Variants in NRXN3 observed in about 807,000 individuals in gnomAD.
NRXN3 encodes the protein neurexin 3, also known as neurexin III.
Under a neutral mutation model 137.6 loss-of-function variants are expected in NRXN3, and 32 were observed. The ratio of observed to expected loss-of-function variants is 0.23; its 90% CI spans 0.18 to 0.31. The LOEUF (loss-of-function observed/expected upper bound fraction) is 0.31. NRXN3 is among the 10% of genes least tolerant of loss of function. The pLI, the probability that NRXN3 is intolerant of heterozygous loss-of-function variation, is 1.00. For synonymous variants in NRXN3, 798 were observed against 784.5 expected (o/e 1.02, Z -0.29); for missense variants, 1,574 against 2,062.5 (o/e 0.76, Z 4.59).
At chr14:79,133,143 A>C (rs1596331640) in intron 15 of NRXN3, among the ~76,000 whole-genome samples, 1 of 152,330 alleles carries the variant, frequency 6.6e-6, no homozygotes, top group South Asian at 2.1e-4. Context: ...CTACTATACT[A>C]ACATTTTTTG....
chr14:79,836,977 C>T (rs895239666), intron 20 of NRXN3, among the ~76,000 whole-genome samples: 2 of 152,136 alleles, frequency 1.3e-5, no homozygotes, highest in African/African-American at 2.4e-5. Flanking sequence ...TTTCTCAGCT[C>T]AATATTCCAT....
At chr14:79,395,527 G>A (rs2153479963) in intron 15 of NRXN3, among the ~76,000 whole-genome samples, 1 of 151,114 alleles carries the variant, frequency 6.6e-6, no homozygotes, top group East Asian at 2.0e-4. Flanking sequence ...CAGGCTGTGA[G>A]GCCGGGCGTG....
At chr14:79,373,351 C>T (rs1260115862) in intron 15 of NRXN3, among the ~76,000 whole-genome samples, 3 of 151,998 alleles carry the variant, frequency 2.0e-5, no homozygotes. Context: ...AAAAGCAATC[C>T]CAGAATATTT....
rs188280476 is a variant in NRXN3, at chr14:78,585,262, G to A, written c.758-59858G>A. On this transcript the variant is annotated intron_variant, in intron 4 of 20. Transcript: ENST00000335750. The stretch of plus-strand genomic sequence containing the variant: ...AAGGCTATCAGGGCAGATGGTCACA[G>A]GCAGCCAGTGCAAAGGACCTGAGGT... Among the ~76,000 whole-genome samples the A allele has an allele frequency of 9.2e-5, 14 of 152,202 alleles. 1 individual carries two copies. The highest frequency in any genetic ancestry group is 1.6e-4 in the Non-Finnish European group (11 of 68,012).
At chr14:79,812,257 T>G (rs935659551) in intron 20 of NRXN3, among the ~76,000 whole-genome samples, 3 of 152,196 alleles carry the variant, frequency 2.0e-5, no homozygotes, top group Admixed American at 6.5e-5. Flanking sequence ...GATAAATCTC[T>G]TCTATATGTA....
intron 6 of NRXN3, among the ~76,000 whole-genome samples, chr14:78,656,862 T>C (rs1009618990): frequency 6.6e-6 from 1 of 151,608 alleles, no homozygotes; most frequent in Non-Finnish European, 1.5e-5. Context: ...GCTGACACGG[T>C]GAAACCCCAT....
Position 79,330,866 on chromosome 14 carries a change from A to G in NRXN3, c.3263-136355A>G, listed in dbSNP as rs538867974. On this transcript the variant is annotated intron_variant, in intron 15 of 20. Transcript: ENST00000335750. ...TCTAGTCACAATGTTAGAATGAAAT[A>G]AATGTGTGAAATAAATCATGTTTAT... Among the ~76,000 whole-genome samples the G allele has an allele frequency of 3.3e-5, 5 of 152,356 alleles. No individual in the cohort carries two copies. The East Asian group carries it at 5.8e-4, about 18-fold the overall frequency.
chr14:79,731,823 A>AT (rs1160115956), intron 19 of NRXN3, among the ~76,000 whole-genome samples: 28 of 144,892 alleles, frequency 1.9e-4, no homozygotes, highest in South Asian at 8.8e-4. Flanking sequence ...TTTATTTTTT[A>AT]TTTTTTTTTT....
chr14:78,865,406 C>T (rs1272041167), intron 10 of NRXN3, among the ~76,000 whole-genome samples: 1 of 152,112 alleles, frequency 6.6e-6, no homozygotes, highest in African/African-American at 2.4e-5. Context: ...TTGAAAGTCA[C>T]AGAATTTTGA....
At chr14:79,466,340 C>T (rs1445950407) in intron 15 of NRXN3, among the ~76,000 whole-genome samples, 1 of 152,202 alleles carries the variant, frequency 6.6e-6, no homozygotes, top group Non-Finnish European at 1.5e-5. Flanking sequence ...GTAATCTCAG[C>T]ACTTTGGGTG....
intron 16 of NRXN3, among the ~76,000 whole-genome samples, chr14:79,520,237 C>A (rs936975375): frequency 7.2e-5 from 11 of 152,036 alleles, no homozygotes; most frequent in African/African-American, 2.7e-4. Context: ...TTCCGGCATG[C>A]CTTGGTTGAA....
chr14:78,894,787 G>C (rs530087052), intron 10 of NRXN3, among the ~76,000 whole-genome samples: 1 of 151,512 alleles, frequency 6.6e-6, no homozygotes, highest in South Asian at 2.1e-4. Flanking sequence ...GAGAATGGAT[G>C]TTACGTTAGC....
intron 15 of NRXN3, among the ~76,000 whole-genome samples, chr14:79,091,677 A>G (rs2049221650): frequency 1.3e-5 from 2 of 152,284 alleles, no homozygotes; most frequent in South Asian, 4.1e-4. Flanking sequence ...CAGGATAATT[A>G]TAGCCAGGAG....
At chr14:78,314,512 G>A (rs2078328077) in intron 4 of NRXN3, among the ~76,000 whole-genome samples, 1 of 152,164 alleles carries the variant, frequency 6.6e-6, no homozygotes, top group African/African-American at 2.4e-5. Context: ...TGGCAGAGGA[G>A]GAGAGAGCGA....
chr14:78,757,813 G>T (rs1029166718), intron 8 of NRXN3, among the ~76,000 whole-genome samples: 2 of 152,178 alleles, frequency 1.3e-5, no homozygotes, highest in African/African-American at 2.4e-5. Context: ...TGTGTAAGAG[G>T]TTAATATTTG....
intron 8 of NRXN3, among the ~76,000 whole-genome samples, chr14:78,725,572 C>G (rs1010715685): frequency 2.0e-5 from 3 of 152,212 alleles, no homozygotes; most frequent in Admixed American, 2.0e-4. Flanking sequence ...GAGCCTCCTT[C>G]TGTGGAAATC....
intron 16 of NRXN3, among the ~76,000 whole-genome samples, chr14:79,652,864 C>G (rs2098483726): frequency 6.6e-6 from 1 of 152,030 alleles, no homozygotes; most frequent in Non-Finnish European, 1.5e-5. Flanking sequence ...TTAAATTTCA[C>G]TTTTTAAAAA....
chr14:78,391,989 G>A (rs2090843671), intron 4 of NRXN3, among the ~76,000 whole-genome samples: 5 of 151,824 alleles, frequency 3.3e-5, no homozygotes, highest in Admixed American at 3.3e-4. Context: ...GACAAGTCCT[G>A]TGCTAAAGGA....
chr14:79,191,595 G>T (rs1293292212), intron 15 of NRXN3, among the ~76,000 whole-genome samples: 1 of 152,124 alleles, frequency 6.6e-6, no homozygotes, highest in Non-Finnish European at 1.5e-5. Flanking sequence ...TAGCATAGAT[G>T]GGTAAATATA....
Sources: gnomAD v4.1 joint callset for allele counts (sites outside exome capture counted in the v4.1 genomes callset) on GRCh38, gnomAD v4.1.1 for gene constraint, MANE v1.5 for transcripts, NCBI Gene and HGNC (gene_info 2026-07-23, HGNC 2026-07-21) for gene names.